MCTP2: variants seen among roughly 807,000 people sequenced by gnomAD.
The protein encoded by MCTP2 is multiple C2 and transmembrane domain containing 2.
In MCTP2, 132 loss-of-function variants were observed where a neutral mutation model predicts 111.6. The observed-to-expected ratio is 1.18, with a 90% CI of 1.03 to 1.37. The LOEUF (loss-of-function observed/expected upper bound fraction) is 1.37, where lower values mean the gene tolerates loss of function less well. Among genes scored for constraint, MCTP2 ranks in the 40% most tolerant of loss-of-function variants. The pLI, the probability that MCTP2 is intolerant of heterozygous loss-of-function variation, is 0.00. For missense variants in MCTP2, 1,183 were observed against 1,067.9 expected, an observed-to-expected ratio of 1.11 and a Z score of -1.50; for synonymous variants, 395 against 387.7, an observed-to-expected ratio of 1.02 and a Z score of -0.22.
chr15:94,402,443 C>A lies in MCTP2; in HGVS notation c.2085+424C>A. ...TTAAAGATGTTTATTCATTTCAAGCCAGTTGGGACATACTGATCATTACAC... is the reference window on the plus strand; with the variant it reads ...TTAAAGATGTTTATTCATTTCAAGCAAGTTGGGACATACTGATCATTACAC... On this transcript the variant is annotated intron_variant, in intron 17 of 22. Coordinates refer to ENST00000357742, the MANE Select transcript of MCTP2 (RefSeq NM_001385001.1). The A allele has an allele frequency of 1.9e-6, 3 of 1,543,702 alleles. No individual in the cohort carries two copies. In the Middle Eastern group the frequency reaches 5.1e-4, roughly 260 times the overall value.
rs1178724487 is a variant in MCTP2, at chr15:94,480,389, A to G, written c.*1355A>G. Reference sequence around the variant, plus strand: ...AACAAAATGTTTACGAAAAATGCCAAAGATTCTAAATCTTATCATCCCGTG... The same window carrying G: ...AACAAAATGTTTACGAAAAATGCCAGAGATTCTAAATCTTATCATCCCGTG... On this transcript the variant is annotated 3_prime_UTR_variant, in exon 23 of 23. Transcript: ENST00000357742. 1 of 152,114 alleles carries G rather than the reference A, an allele frequency of 6.6e-6. No homozygotes were observed. The highest frequency in any genetic ancestry group is 1.5e-5 in the Non-Finnish European group (1 of 68,018). The allele number at this position is 152,114 out of a possible 1,614,324, so 9.4% of individuals were successfully genotyped here.
intron 12 of MCTP2, among the ~76,000 whole-genome samples, chr15:94,380,119 T>G (rs1228205080): frequency 6.6e-6 from 1 of 152,092 alleles, no homozygotes. Flanking sequence ...TGCATTTCAC[T>G]GCTGCCCTCT....
intron 1 of MCTP2, chr15:94,232,149 C>T (rs1567232579): frequency 6.6e-6 from 1 of 152,194 alleles, no homozygotes; most frequent in Non-Finnish European, 1.5e-5. Flanking sequence ...AACAGTGTCT[C>T]AATCCCACTG....
intron 10 of MCTP2, among the ~76,000 whole-genome samples, chr15:94,366,672 C>T (rs1167424591): frequency 6.6e-6 from 1 of 152,058 alleles, no homozygotes; most frequent in Non-Finnish European, 1.5e-5. Context: ...CTTGAATATT[C>T]ATCTTATTCT....
At chr15:94,455,445 GT>G (rs531272807) in intron 19 of MCTP2, among the ~76,000 whole-genome samples, 84 of 144,022 alleles carry the variant, frequency 5.8e-4, no homozygotes, top group African/African-American at 5.6e-4. Flanking sequence ...TCTTTCTGTT[GT>G]TTTTTTTTTT....
intron 4 of MCTP2, among the ~76,000 whole-genome samples, chr15:94,327,485 A>G (rs2076935411): frequency 1.3e-5 from 2 of 152,222 alleles, no homozygotes; most frequent in African/African-American, 4.8e-5. Flanking sequence ...TTGAAAATTC[A>G]GTCCTTTTTA....
chr15:94,335,268 C>G (rs867120700), intron 4 of MCTP2, among the ~76,000 whole-genome samples: 1 of 151,850 alleles, frequency 6.6e-6, no homozygotes, highest in African/African-American at 2.4e-5. Flanking sequence ...CCAGATGAGC[C>G]AAAGGCTTAA....
chr15:94,438,842 T>G (rs141129739), intron 17 of MCTP2, among the ~76,000 whole-genome samples: 185 of 152,314 alleles, frequency 1.2e-3, no homozygotes, highest in African/African-American at 4.2e-3. Context: ...GTATGATTTA[T>G]CACTCTAGAA....
At chr15:94,329,544 G>A (rs556417202) in intron 4 of MCTP2, among the ~76,000 whole-genome samples, 1 of 152,146 alleles carries the variant, frequency 6.6e-6, no homozygotes, top group Non-Finnish European at 1.5e-5. Flanking sequence ...GCAGGGAGGT[G>A]CCACACACTT....
At chr15:94,378,580 T>C (rs949351070) in intron 12 of MCTP2, among the ~76,000 whole-genome samples, 1 of 152,204 alleles carries the variant, frequency 6.6e-6, no homozygotes. Flanking sequence ...TCATCTTGTT[T>C]GCTCTAGGTG....
chr15:94,311,814 ATGG>A (rs1318613875), intron 2 of MCTP2, among the ~76,000 whole-genome samples: 1 of 152,200 alleles, frequency 6.6e-6, no homozygotes, highest in Non-Finnish European at 1.5e-5. Context: ...CATGTAAATG[ATGG>A]TGGTTAGGTG....
chr15:94,432,253 G>C (rs747577773), intron 17 of MCTP2, among the ~76,000 whole-genome samples: 1 of 152,126 alleles, frequency 6.6e-6, no homozygotes, highest in Non-Finnish European at 1.5e-5. Flanking sequence ...TGTGGTGTAG[G>C]AATGGGTAAC....
chr15:94,244,379 T>C (rs1161378926), intron 1 of MCTP2, among the ~76,000 whole-genome samples: 3 of 149,768 alleles, frequency 2.0e-5, no homozygotes, highest in African/African-American at 4.9e-5. Context: ...TACGTATATG[T>C]ATACACATAA....
At chr15:94,390,072 A>G (rs868058554) in intron 14 of MCTP2, among the ~76,000 whole-genome samples, 1,283 of 16,584 alleles carry the variant, frequency 0.077, 56 homozygotes, top group African/African-American at 0.17. Context: ...ATATATATAT[A>G]TATATATATA....
chr15:94,258,145 G>A (rs2072953598), intron 1 of MCTP2, among the ~76,000 whole-genome samples: 1 of 151,054 alleles, frequency 6.6e-6, no homozygotes, highest in South Asian at 2.1e-4. Flanking sequence ...CAAAGTGCTG[G>A]GATTACAGGT....
At chr15:94,476,474 T>G (rs2074359233) in intron 21 of MCTP2, 1 of 377,388 alleles carries the variant, frequency 2.6e-6, no homozygotes, top group Non-Finnish European at 4.8e-6. Flanking sequence ...TGATTCTACA[T>G]GACAGCAACA....
In MCTP2 at chr15:94,238,657, C is replaced by G. The variant is rs530539135; in HGVS notation, c.-66+6993C>G. Among the ~76,000 whole-genome samples, 105 of 152,280 alleles carry G rather than the reference C, an allele frequency of 6.9e-4. 1 individual carries two copies. The Middle Eastern group carries it at 0.01, about 15-fold the overall frequency. ...TGAGAGGGGAAACCAGACAGTTTCA[C>G]AAGTGATTACAATGAAGCGTGCTGT... On this transcript the variant is annotated intron_variant, in intron 1 of 22. Coordinates refer to ENST00000357742, the MANE Select transcript of MCTP2 (RefSeq NM_001385001.1).
At chr15:94,306,837 C>T (rs2075902404) in intron 2 of MCTP2, among the ~76,000 whole-genome samples, 1 of 152,142 alleles carries the variant, frequency 6.6e-6, no homozygotes, top group Non-Finnish European at 1.5e-5. Context: ...CCAGAAATGG[C>T]TTGGCAACTG....
intron 1 of MCTP2, among the ~76,000 whole-genome samples, chr15:94,253,475 C>A (rs2072572548): frequency 6.6e-6 from 1 of 152,146 alleles, no homozygotes; most frequent in South Asian, 2.1e-4. Context: ...TTCTCAGTCC[C>A]TTCATTGTCA....
Sources: gnomAD v4.1 joint callset for allele counts (sites outside exome capture counted in the v4.1 genomes callset) on GRCh38, gnomAD v4.1.1 for gene constraint, MANE v1.5 for transcripts, NCBI Gene and HGNC (gene_info 2026-07-23, HGNC 2026-07-21) for gene names.